Variants in MORN1 observed in about 807,000 individuals in gnomAD.
MORN1 encodes the protein MORN repeat-containing protein 1.
A neutral mutation model predicts 61.9 loss-of-function variants in MORN1; 67 were observed. The ratio of observed to expected loss-of-function variants is 1.08; its 90% CI spans 0.89 to 1.33. MORN1 has a LOEUF of 1.33. Among genes scored for constraint, MORN1 ranks in the 40% most tolerant of loss-of-function variants. The pLI is 0.00. For synonymous variants in MORN1, 301 were observed against 292.0 expected (o/e 1.03, Z -0.31); for missense variants, 752 against 691.2 (o/e 1.09, Z -0.99).
intron 8 of MORN1, 65 bp from the exon 9 acceptor site, chr1:2,358,780 G>T: frequency 1.3e-6 from 2 of 1,546,878 alleles, no homozygotes; most frequent in South Asian, 2.3e-5. Flanking sequence ...GCGCGGGCCC[G>T]GGGCAGGCTT....
Position 2,337,554 on chromosome 1 carries a change from A to G in MORN1, c.1037-704T>C, listed in dbSNP as rs142368322. 2.9e-3 allele frequency among the ~76,000 whole-genome samples: 446 copies of G among 152,236 alleles called. 3 individuals carry two copies. Among genetic ancestry groups the G allele is most frequent in the African/African-American group, 0.01 (417 of 41,532 alleles). On this transcript the variant is annotated intron_variant, in intron 10 of 13. Coordinates refer to ENST00000378531, the MANE Select transcript of MORN1 (RefSeq NM_024848.3). The surrounding 1 kb of genome is among the most constrained non-coding windows in gnomAD (Gnocchi z 5.7). Reference sequence around the variant, plus strand: ...TCTGGCTTCCCCCACGCACAGATGGAGCTGCAGCCCCCAGGGCCCACCCTG... The same window carrying G: ...TCTGGCTTCCCCCACGCACAGATGGGGCTGCAGCCCCCAGGGCCCACCCTG...
intron 6 of MORN1, chr1:2,378,931 G>A (rs887868594): frequency 8.3e-5 from 38 of 458,806 alleles, no homozygotes; most frequent in African/African-American, 6.4e-4. Flanking sequence ...TGTGGAAGAG[G>A]AGCCTTCTCT....
intron 12 of MORN1, among the ~76,000 whole-genome samples, chr1:2,335,844 A>AGCCCAGCCCG (rs1553208797): frequency 6.8e-6 from 1 of 147,014 alleles, no homozygotes; most frequent in African/African-American, 2.7e-5. Context: ...AGCCCAGCCC[A>AGCCCAGCCCG]GCGCGCAGCT....
chr1:2,323,526 C>T (rs1412738903), intron 13 of MORN1: 16 of 985,256 alleles, frequency 1.6e-5, no homozygotes, highest in South Asian at 1.4e-4. Context: ...CCCTGGCATT[C>T]GGCCCCTCTG....
chr1:2,336,890 A>C (rs778203542), intron 10 of MORN1, 40 bp from the exon 11 acceptor site: 6 of 1,505,824 alleles, frequency 4.0e-6, no homozygotes, highest in Non-Finnish European at 5.3e-6. Context: ...TGAGGGGCTC[A>C]GGGCGGAGAC....
chr1:2,323,753 T>G, intron 13 of MORN1: 1 of 985,368 alleles, frequency 1.0e-6, no homozygotes, highest in Non-Finnish European at 1.2e-6. Flanking sequence ...TCAGCCACTG[T>G]GGGCCTTGAC....
rs537528093 is a variant in MORN1 at position 2,337,291 on chromosome 1, G to T, written c.1037-441C>A. On this transcript the variant is annotated intron_variant, in intron 10 of 13. Transcript: ENST00000378531. This position sits in a 1 kb window ranked among gnomAD's most constrained non-coding sequence, Gnocchi z 5.7. ...AGGAGGAAGATGGTTCTGCCCCAGC[G>T]GCCCATCAAGATGGACCTGGCGTCA... Among the ~76,000 whole-genome samples, 2 of 152,320 alleles carry T rather than the reference G, an allele frequency of 1.3e-5. No homozygotes were observed. Among genetic ancestry groups the T allele is most frequent in the African/African-American group, 4.8e-5 (2 of 41,568 alleles).
Position 2,334,617 on chromosome 1 carries a change from G to A in MORN1, c.1250+1852C>T, listed in dbSNP as rs1641227165. ...GGCCGTGGAGCCGGCAGGAGGCAGG[G>A]GAAGTGGCCGCTGGTCACAGATGTG... On this transcript the variant is annotated intron_variant, in intron 12 of 13. Transcript: ENST00000378531. The surrounding 1 kb of genome is among the most constrained non-coding windows in gnomAD (Gnocchi z 5.4). Among the ~76,000 whole-genome samples the A allele has an allele frequency of 6.6e-6, 1 of 152,178 alleles. No individual in the cohort carries two copies. Among genetic ancestry groups the A allele is most frequent in the Admixed American group, 6.5e-5 (1 of 15,288 alleles).
At chr1:2,322,319 G>A (rs191374206) in intron 13 of MORN1, 138 of 985,332 alleles carry the variant, frequency 1.4e-4, no homozygotes, top group Middle Eastern at 5.2e-4. Context: ...AAAGCGCCTC[G>A]GCTGGCCCGG....
Position 2,348,720 on chromosome 1 carries a change from G to GGCACGCACGCACAC in MORN1, c.1036+8711_1036+8712insGTGTGCGTGCGTGC, listed in dbSNP as rs1553212650. The stretch of plus-strand genomic sequence containing the variant: ...ACGCACGCACACGCACACCTGCGCG[G>GGCACGCACGCACAC]GCACGCACACGCACACCTGCGCGGG... On this transcript the variant is annotated intron_variant, in intron 10 of 13. Transcript: ENST00000378531. Among the ~76,000 whole-genome samples the GGCACGCACGCACAC allele has an allele frequency of 2.4e-3, 295 of 124,228 alleles. 11 individuals are homozygous for GGCACGCACGCACAC. Among genetic ancestry groups the GGCACGCACGCACAC allele is most frequent in the African/African-American group, 8.5e-3 (275 of 32,380 alleles). The allele number at this position is 124,228 out of a possible 152,430, so 81.5% of individuals were successfully genotyped here. A position where few individuals can be genotyped will look rare whatever the true frequency, so the allele number is the denominator to read the frequency against.
At chr1:2,336,690 G>C (rs1461044915) in intron 11 of MORN1, 27 bp downstream of exon 11, 1 of 1,548,522 alleles carries the variant, frequency 6.5e-7, no homozygotes, top group Admixed American at 1.9e-5. Context: ...ATGTGGGGTG[G>C]CCTCCCCGCC....
chr1:2,328,028 C>T lies in MORN1; in HGVS notation c.1251-3885G>A, dbSNP rs138933261. 1.3e-3 allele frequency among the ~76,000 whole-genome samples: 191 copies of T among 152,372 alleles called. 1 individual carries two copies. Among genetic ancestry groups the T allele is most frequent in the Non-Finnish European group, 1.8e-3 (121 of 68,036 alleles). ...AGCCACCGAGCAGAGCTCCAGGGAGCGGCATCAGAGAGGCCTTGGCCGAGT... is the reference window on the plus strand; with the variant it reads ...AGCCACCGAGCAGAGCTCCAGGGAGTGGCATCAGAGAGGCCTTGGCCGAGT... On this transcript the variant is annotated intron_variant, in intron 12 of 13. Transcript: ENST00000378531.
chr1:2,330,044 C>T (rs551673315), intron 12 of MORN1, among the ~76,000 whole-genome samples: 39 of 152,332 alleles, frequency 2.6e-4, no homozygotes, highest in African/African-American at 8.2e-4. Flanking sequence ...ATTTGCCCAT[C>T]TTGGGGCCAG....
chr1:2,347,476 G>A (rs1440768733), intron 10 of MORN1, among the ~76,000 whole-genome samples: 3 of 152,166 alleles, frequency 2.0e-5, no homozygotes, highest in Non-Finnish European at 4.4e-5. Flanking sequence ...CCAGGGAGGA[G>A]GATCCCGAGT....
chr1:2,355,257 C>T, intron 10 of MORN1: 1 of 1,421,244 alleles, frequency 7.0e-7, no homozygotes. Flanking sequence ...GAGGTGAAGG[C>T]AGACAAGGGG....
chr1:2,380,956 C>T (rs2643908), intron 6 of MORN1, among the ~76,000 whole-genome samples: 126,336 of 152,202 alleles, frequency 0.83, 52,831 homozygotes, highest in Middle Eastern at 0.91. Context: ...GCGGCCTGAC[C>T]CCCGTCTCTG....
intron 10 of MORN1, among the ~76,000 whole-genome samples, chr1:2,339,166 C>T (rs539286291): frequency 2.1e-4 from 32 of 152,272 alleles, no homozygotes; most frequent in Middle Eastern, 3.4e-3. Flanking sequence ...TGGTGAAAAG[C>T]GGAAGGGGAG....
At chr1:2,363,235 T>C (rs2100318242) in intron 8 of MORN1, 1 of 152,316 alleles carries the variant, frequency 6.6e-6, no homozygotes, top group East Asian at 1.9e-4. Context: ...CATGAAGTAG[T>C]ATATTACATC....
chr1:2,388,600 AGACCCCGTC>A, intron 2 of MORN1: 30 of 423,504 alleles, frequency 7.1e-5, no homozygotes, highest in South Asian at 1.6e-4. Context: ...CAACACGGAG[AGACCCCGTC>A]TCTACACAAA....
Sources: gnomAD v4.1 joint callset for allele counts (sites outside exome capture counted in the v4.1 genomes callset) on GRCh38, gnomAD v4.1.1 for gene constraint, Gnocchi (gnomAD v3.1) non-coding constraint, MANE v1.5 for transcripts, NCBI Gene and HGNC (gene_info 2026-07-23, HGNC 2026-07-21) for gene names.